KLHDC4: variants seen among roughly 807,000 people sequenced by gnomAD.
KLHDC4 encodes the protein kelch domain-containing protein 4.
A neutral mutation model predicts 62.4 loss-of-function variants in KLHDC4; 90 were observed. The ratio of observed to expected loss-of-function variants is 1.44; its 90% CI spans 1.22 to 1.72. The LOEUF (loss-of-function observed/expected upper bound fraction) is 1.72, where lower values mean the gene tolerates loss of function less well. Among genes scored for constraint, KLHDC4 ranks in the 40% most tolerant of loss-of-function variants. The pLI is 0.00. For synonymous variants in KLHDC4, 386 were observed against 284.4 expected (o/e 1.36, Z -3.59); for missense variants, 1,025 against 699.7 (o/e 1.47, Z -5.25).
At chr16:87,719,227 A>C (rs2037746160) in intron 7 of KLHDC4, among the ~76,000 whole-genome samples, 2 of 152,378 alleles carry the variant, frequency 1.3e-5, no homozygotes, top group South Asian at 4.1e-4. Flanking sequence ...TCAAATAGAA[A>C]AGGGGGAAAT....
intron 7 of KLHDC4, among the ~76,000 whole-genome samples, chr16:87,717,216 G>C (rs145568108): frequency 6.6e-6 from 1 of 152,218 alleles, no homozygotes; most frequent in African/African-American, 2.4e-5. Context: ...GGACGACAGA[G>C]TGAGACTTCT....
intron 8 of KLHDC4, among the ~76,000 whole-genome samples, chr16:87,711,981 G>A (rs1455163588): frequency 5.0e-5 from 7 of 139,610 alleles, no homozygotes; most frequent in African/African-American, 9.1e-5. Context: ...TCGCCCAGGG[G>A]GCTGAATGCC....
At chr16:87,705,066 C>T (rs1226740436), downstream of KLHDC4, among the ~76,000 whole-genome samples, 1 of 152,148 alleles carries the variant, frequency 6.6e-6, no homozygotes, top group African/African-American at 2.4e-5. Flanking sequence ...AGTCAGGGGT[C>T]TGGGGGCCGT....
chr16:87,715,457 G>A (rs547213043), intron 7 of KLHDC4, among the ~76,000 whole-genome samples: 66 of 152,214 alleles, frequency 4.3e-4, no homozygotes, highest in African/African-American at 1.4e-3. Context: ...CTGCCCCAGT[G>A]CTCCGCAGCT....
chr16:87,726,940 G>A lies in KLHDC4; in HGVS notation c.600-16C>T, dbSNP rs79105902. ...GATGTAATCCCTGGTTAGAAGAACA[G>A]CAGCTGTCAGGGTCCGTAACATTGG... is the stretch of plus-strand genomic sequence containing the variant. On this transcript the variant is annotated splice_polypyrimidine_tract_variant and intron_variant, in intron 6 of 11. Coordinates refer to ENST00000270583, the MANE Select transcript of KLHDC4 (RefSeq NM_017566.4). The A allele has an allele frequency of 1.2e-6, 2 of 1,613,118 alleles. No homozygotes were observed. The highest frequency in any genetic ancestry group is 1.7e-5 in the Admixed American group (1 of 59,998).
At chr16:87,723,999 G>A (rs2038908696) in intron 7 of KLHDC4, among the ~76,000 whole-genome samples, 1 of 152,124 alleles carries the variant, frequency 6.6e-6, no homozygotes, top group African/African-American at 2.4e-5. Context: ...ACCACGCCTG[G>A]CTAATTTTTG....
intron 7 of KLHDC4, among the ~76,000 whole-genome samples, chr16:87,715,931 C>G (rs929689615): frequency 6.6e-6 from 1 of 152,208 alleles, no homozygotes; most frequent in Non-Finnish European, 1.5e-5. Context: ...CGCTCAGTGC[C>G]TCGTGGATAT....
At chr16:87,709,177 C>A in intron 10 of KLHDC4, 88 bp downstream of exon 10, 1 of 1,500,286 alleles carries the variant, frequency 6.7e-7, no homozygotes, top group Non-Finnish European at 9.0e-7. Context: ...CGCCTCTGGG[C>A]AGCTTGCAGG....
rs374665017 is a variant in KLHDC4, at chr16:87,755,239, G to C, written c.324C>G (p.Thr108=). The change falls in exon 4 of 12, where the codon ACC becomes ACG. Residue 108 remains threonine, a synonymous_variant. Transcript: ENST00000270583. ...GAGGTGGACTGGGGATGTCAACTTT[G>C]GTCCAGGTGTCCTTTCTGGTATTGT... is the stretch of plus-strand genomic sequence containing the variant. The part of the protein sequence containing the change: ...YVYNTRKDTW[T]KVDIPSPPPR... The C allele has an allele frequency of 6.2e-7, 1 of 1,611,924 alleles. No individual in the cohort carries two copies. Among genetic ancestry groups the C allele is most frequent in the African/African-American group, 1.3e-5 (1 of 74,986 alleles).
intron 4 of KLHDC4, among the ~76,000 whole-genome samples, chr16:87,751,910 A>G (rs1422933818): frequency 1.3e-5 from 2 of 150,604 alleles, no homozygotes; most frequent in Non-Finnish European, 3.0e-5. Flanking sequence ...TATTTCTACT[A>G]AAAATACTAA....
chr16:87,704,147 C>G (rs187960153), downstream of KLHDC4, among the ~76,000 whole-genome samples: 1 of 152,348 alleles, frequency 6.6e-6, no homozygotes. Flanking sequence ...ATCAAGCACA[C>G]GGCGCCGCCA....
intron 4 of KLHDC4, among the ~76,000 whole-genome samples, chr16:87,752,853 A>C (rs897313025): frequency 6.6e-6 from 1 of 152,254 alleles, no homozygotes; most frequent in African/African-American, 2.4e-5. Context: ...ACTCCTGCCC[A>C]CGATGGAGCA....
In KLHDC4 at chr16:87,709,285, G is replaced by A. The variant is rs984968998; in HGVS notation, c.1427C>T (p.Ala476Val). The change falls in exon 10 of 12, where the codon GCC becomes GTC. Residue 476 changes from alanine to valine, a missense_variant. Transcript: ENST00000270583. ...CTCACCTGGGTCCATCTCCACCAAG[G>A]CCTTCCACGCCTCCATCCTGTGCAG... ...LDLHRMEAWK[A>V]LVEMDPETQE... The A allele has an allele frequency of 6.2e-6, 10 of 1,611,646 alleles. No homozygotes were observed. In the African/African-American group the frequency reaches 1.1e-4, roughly 17 times the overall value.
intron 6 of KLHDC4, among the ~76,000 whole-genome samples, chr16:87,729,667 G>C (rs992110599): frequency 6.6e-6 from 1 of 152,356 alleles, no homozygotes; most frequent in South Asian, 2.1e-4. Context: ...CCAGCTGCAC[G>C]AACACCCACG....
intron 4 of KLHDC4, among the ~76,000 whole-genome samples, chr16:87,749,936 G>A (rs183108115): frequency 2.6e-5 from 4 of 152,312 alleles, no homozygotes; most frequent in East Asian, 3.9e-4. Context: ...GTGAAGGAGC[G>A]CAGCGGGAGT....
chr16:87,756,151 G>A (rs140015218), intron 3 of KLHDC4: 1 of 352,602 alleles, frequency 2.8e-6, no homozygotes, highest in Non-Finnish European at 5.4e-6. Flanking sequence ...CCCGCCAAGA[G>A]TGATGACGGC....
exon 1 of KLHDC4, chr16:87,701,516 C>A (rs927083838): frequency 2.7e-6 from 1 of 365,556 alleles, no homozygotes; most frequent in Non-Finnish European, 5.6e-6. Flanking sequence ...CAAGCAGCCC[C>A]GTGACGGGCA....
chr16:87,765,748 A>G, intron 1 of KLHDC4, 44 bp downstream of exon 1: 1 of 1,529,624 alleles, frequency 6.5e-7, no homozygotes, highest in Non-Finnish European at 8.8e-7. Context: ...CCGAGGCTGC[A>G]CGGCCGCGAC....
chr16:87,736,508 C>T (rs2041337919), intron 5 of KLHDC4, among the ~76,000 whole-genome samples: 1 of 152,184 alleles, frequency 6.6e-6, no homozygotes, highest in African/African-American at 2.4e-5. Flanking sequence ...ACAGCACAGC[C>T]AGGGAGAGCC....
Sources: gnomAD v4.1 joint callset for allele counts (sites outside exome capture counted in the v4.1 genomes callset) on GRCh38, gnomAD v4.1.1 for gene constraint, MANE v1.5 for transcripts, NCBI Gene and HGNC (gene_info 2026-07-23, HGNC 2026-07-21) for gene names.